Variants in MYO3A observed in about 807,000 individuals in gnomAD.
MYO3A encodes myosin IIIA.
A neutral mutation model predicts 192.7 loss-of-function variants in MYO3A; 180 were observed. That is an observed-to-expected ratio of 0.93 (90% confidence interval 0.83 to 1.06). The LOEUF (loss-of-function observed/expected upper bound fraction) is 1.06. Among genes scored for constraint, MYO3A ranks in the 50% least tolerant of loss-of-function variants. MYO3A has a pLI of 0.00. For missense variants in MYO3A, 1,896 were observed against 1,905.0 expected, an observed-to-expected ratio of 1.00 and a Z score of 0.09; for synonymous variants, 628 against 645.3, an observed-to-expected ratio of 0.97 and a Z score of 0.41.
At chr10:26,105,872 G>A (rs1457296129) in intron 17 of MYO3A, among the ~76,000 whole-genome samples, 1 of 151,954 alleles carries the variant, frequency 6.6e-6, no homozygotes. Flanking sequence ...GTACCAGATG[G>A]AGCACCACTT....
intron 6 of MYO3A, among the ~76,000 whole-genome samples, chr10:26,000,691 A>G (rs536542600): frequency 6.7e-6 from 1 of 149,682 alleles, no homozygotes; most frequent in African/African-American, 2.5e-5. Flanking sequence ...TTTTTTTTTG[A>G]AACAGAGTTT....
At chr10:26,086,642 G>C (rs1336338593) in intron 14 of MYO3A, among the ~76,000 whole-genome samples, 1 of 152,052 alleles carries the variant, frequency 6.6e-6, no homozygotes, top group Non-Finnish European at 1.5e-5. Context: ...AAAAGGTGGT[G>C]CTACCCCAGG....
chr10:26,153,835 T>C lies in MYO3A; in HGVS notation c.2636-15T>C. The C allele has an allele frequency of 1.3e-6, 2 of 1,496,444 alleles. No individual in the cohort carries two copies. Among genetic ancestry groups the C allele is most frequent in the Non-Finnish European group, 1.9e-6 (2 of 1,073,776 alleles). 92.7% of individuals were successfully genotyped at this position (1,496,444 alleles called of 1,614,324 possible). A position where few individuals can be genotyped will look rare whatever the true frequency, so the allele number is the denominator to read the frequency against. On this transcript the variant is annotated splice_polypyrimidine_tract_variant and intron_variant, in intron 23 of 34. Transcript: ENST00000642920. ...GATTCTAAAAGGTATATTACATTTTTCTACATTCTCATAGGTAATCTGCCA... is the reference window on the plus strand; with the variant it reads ...GATTCTAAAAGGTATATTACATTTTCCTACATTCTCATAGGTAATCTGCCA...
At chr10:26,017,990 TAATA>T (rs1412480581) in intron 7 of MYO3A, among the ~76,000 whole-genome samples, 5 of 149,628 alleles carry the variant, frequency 3.3e-5, no homozygotes, top group Admixed American at 2.0e-4. Flanking sequence ...ATTAATATAA[TAATA>T]AATAATATTA....
intron 17 of MYO3A, among the ~76,000 whole-genome samples, chr10:26,106,519 A>G (rs1837810492): frequency 6.6e-6 from 1 of 152,150 alleles, no homozygotes; most frequent in African/African-American, 2.4e-5. Flanking sequence ...TGCTTAGATC[A>G]TCTAAGACTA....
intron 4 of MYO3A, among the ~76,000 whole-genome samples, chr10:25,969,703 C>T (rs1838494912): frequency 6.6e-6 from 1 of 152,080 alleles, no homozygotes; most frequent in African/African-American, 2.4e-5. Flanking sequence ...ATGTGGTAAA[C>T]TTAAACCCAG....
intron 25 of MYO3A, 80 bp downstream of exon 25, chr10:26,154,903 C>T: frequency 8.6e-7 from 1 of 1,157,524 alleles, no homozygotes; most frequent in Non-Finnish European, 1.3e-6. Flanking sequence ...GCCAGTAACA[C>T]TAGCAAAGAG....
rs1362022570 is a variant in MYO3A at position 26,088,273 on chromosome 10, G to A, written c.1430G>A (p.Cys477Tyr). 6.2e-7 allele frequency: 1 copy of A among 1,613,634 alleles called. No individual in the cohort carries two copies. Among genetic ancestry groups the A allele is most frequent in the Admixed American group, 1.7e-5 (1 of 60,020 alleles). Reference sequence around the variant, plus strand: ...TTGGTAGAAGCCTTTGGCAATGCCTGCACTATTATAAATGACAATTCTAGC... The same window carrying A: ...TTGGTAGAAGCCTTTGGCAATGCCTACACTATTATAAATGACAATTCTAGC... ...NNLVEAFGNA[C>Y]TIINDNSSRF... The change falls in exon 15 of 35, where the codon TGC (cysteine) becomes TAC (tyrosine). Residue 477 changes from cysteine (C) to tyrosine (Y), a missense_variant. By Grantham distance (194) the Cys-to-Tyr change is radical (BLOSUM62 -2). Coordinates refer to ENST00000642920, the MANE Select transcript of MYO3A (RefSeq NM_017433.5).
chr10:25,959,114 A>G (rs952658911), intron 4 of MYO3A, among the ~76,000 whole-genome samples: 2 of 152,136 alleles, frequency 1.3e-5, no homozygotes, highest in Non-Finnish European at 2.9e-5. Flanking sequence ...GTCTGCAAAC[A>G]GGGATTGTTT....
At chr10:26,205,437 T>C (rs2132224982) in intron 34 of MYO3A, among the ~76,000 whole-genome samples, 1 of 147,882 alleles carries the variant, frequency 6.8e-6, no homozygotes, top group Non-Finnish European at 1.5e-5. Context: ...GTAACTACTA[T>C]TCTACTCACT....
rs527903022 is a variant in MYO3A, at chr10:26,114,857, G to A, written c.1777-5819G>A. Among the ~76,000 whole-genome samples the A allele has an allele frequency of 3.3e-5, 5 of 152,284 alleles. No individual in the cohort carries two copies. The South Asian group carries it at 8.3e-4, about 25-fold the overall frequency. On this transcript the variant is annotated intron_variant, in intron 17 of 34. Coordinates refer to ENST00000642920, the MANE Select transcript of MYO3A (RefSeq NM_017433.5). ...ACACTAGGCATCATTTCAATAAAATGTAGTAAATTCTATGAGAGCAGAGAA... is the reference window on the plus strand; with the variant it reads ...ACACTAGGCATCATTTCAATAAAATATAGTAAATTCTATGAGAGCAGAGAA...
intron 14 of MYO3A, among the ~76,000 whole-genome samples, chr10:26,074,320 T>C (rs1048627727): frequency 6.6e-6 from 1 of 152,022 alleles, no homozygotes; most frequent in Admixed American, 6.5e-5. Context: ...ATTTGGAATT[T>C]ATTCTGATTT....
intron 3 of MYO3A, among the ~76,000 whole-genome samples, chr10:25,952,910 A>C (rs1837299117): frequency 6.6e-6 from 1 of 151,210 alleles, no homozygotes; most frequent in Non-Finnish European, 1.5e-5. Flanking sequence ...AGTTGTGATA[A>C]GCGAAACTGC....
intron 6 of MYO3A, among the ~76,000 whole-genome samples, chr10:25,997,804 TGA>T (rs745434998): frequency 6.6e-6 from 1 of 152,170 alleles, no homozygotes. Flanking sequence ...AAGGCAGAGC[TGA>T]GAGAGGGGAA....
At chr10:26,155,426 C>T (rs1841059149) in intron 25 of MYO3A, among the ~76,000 whole-genome samples, 1 of 152,134 alleles carries the variant, frequency 6.6e-6, no homozygotes, top group Non-Finnish European at 1.5e-5. Context: ...GATAACCCTC[C>T]CATTATTGGT....
chr10:26,160,742 C>T (rs1589057130), intron 26 of MYO3A, among the ~76,000 whole-genome samples: 1 of 152,140 alleles, frequency 6.6e-6, no homozygotes, highest in Middle Eastern at 3.4e-3. Context: ...TCTTGGTGTA[C>T]AGGTTGGTGT....
At chr10:26,119,659 T>G (rs1226429235) in intron 17 of MYO3A, among the ~76,000 whole-genome samples, 1 of 152,166 alleles carries the variant, frequency 6.6e-6, no homozygotes, top group East Asian at 1.9e-4. Context: ...CAGTAAAGAA[T>G]GTTGCCTCTT....
At chr10:26,055,200 G>T (rs931186117) in intron 10 of MYO3A, among the ~76,000 whole-genome samples, 3 of 152,048 alleles carry the variant, frequency 2.0e-5, no homozygotes, top group Admixed American at 2.0e-4. Context: ...TGCTGTAGAG[G>T]GATCTTCACT....
At chr10:26,052,106 C>T (rs1463370999) in intron 10 of MYO3A, among the ~76,000 whole-genome samples, 4 of 151,944 alleles carry the variant, frequency 2.6e-5, no homozygotes, top group Admixed American at 1.3e-4. Context: ...CTTTAGTGTC[C>T]ACCTAGAAAA....
Sources: allele counts gnomAD v4.1 joint callset (sites outside exome capture counted in the v4.1 genomes callset), GRCh38; gene constraint gnomAD v4.1.1; transcripts MANE v1.5; gene names NCBI Gene and HGNC (gene_info 2026-07-23, HGNC 2026-07-21).